Variants in PACS1 observed in about 807,000 individuals in gnomAD.
The protein encoded by PACS1 is phosphofurin acidic cluster sorting protein 1, also known as PACS-1.
PACS1 carries 24 observed loss-of-function variants against 115.0 expected under a neutral mutation model. The observed-to-expected ratio is 0.21, with a 90% confidence interval of 0.15 to 0.29. The LOEUF is 0.29. Among genes scored for constraint, PACS1 ranks in the 10% least tolerant of loss-of-function variants. The pLI, the probability that PACS1 is intolerant of heterozygous loss-of-function variation, is 1.00. For missense variants in PACS1, 838 were observed against 1,251.2 expected, an observed-to-expected ratio of 0.67 and a Z score of 4.98; for synonymous variants, 453 against 504.5, an observed-to-expected ratio of 0.90 and a Z score of 1.37.
At chr11:66,074,697 T>G (rs1857364074) in intron 1 of PACS1, among the ~76,000 whole-genome samples, 1 of 152,148 alleles carries the variant, frequency 6.6e-6, no homozygotes, top group African/African-American at 2.4e-5. Flanking sequence ...TCACATTTTT[T>G]TTAAGTGGGT....
intron 2 of PACS1, among the ~76,000 whole-genome samples, chr11:66,202,742 A>AAAAAAAAAAAAAAAAAAAAAT (rs1200930188): frequency 1.4e-5 from 1 of 71,650 alleles, no homozygotes; most frequent in African/African-American, 8.0e-5. Context: ...AAAAAAAAAA[A>AAAAAAAAAAAAAAAAAAAAAT]ATATATATAT....
At position 66,220,863 on chromosome 11, in the gene PACS1, C is replaced by T. The variant is rs1855328254; in HGVS notation, c.1199+72C>T. On this transcript the variant is annotated intron_variant, in intron 9 of 23. Coordinates refer to ENST00000320580, the MANE Select transcript of PACS1 (RefSeq NM_018026.4). ...CATAGCAGTCTCCTGACCCCTCCCT[C>T]GCTGTCCCCTCTATTACCAGAGAAT... 4.1e-6 allele frequency: 6 copies of T among 1,471,372 alleles called. No individual in the cohort carries two copies. In the Admixed American group the frequency reaches 5.8e-5, roughly 14 times the overall value. The allele number at this position is 1,471,372 out of a possible 1,614,324, so 91.1% of individuals were successfully genotyped here.
chr11:66,147,603 T>C (rs1414621539), intron 1 of PACS1, among the ~76,000 whole-genome samples: 1 of 152,226 alleles, frequency 6.6e-6, no homozygotes, highest in African/African-American at 2.4e-5. Context: ...TCTAATGTTG[T>C]AATTTTTCTA....
intron 1 of PACS1, among the ~76,000 whole-genome samples, chr11:66,091,558 A>C (rs1483855943): frequency 8.1e-5 from 12 of 147,922 alleles, no homozygotes; most frequent in Non-Finnish European, 3.0e-5. Context: ...TTTAGGGTAC[A>C]TGTGCACAAT....
chr11:66,076,844 G>A (rs550438425), intron 1 of PACS1, among the ~76,000 whole-genome samples: 7 of 152,236 alleles, frequency 4.6e-5, no homozygotes, highest in Non-Finnish European at 8.8e-5. Flanking sequence ...ATTTGCCAAC[G>A]TTGGTCTTCT....
In PACS1 at chr11:66,239,321, G is replaced by A. The variant is rs1429273936; in HGVS notation, c.2429+44G>A. On this transcript the variant is annotated intron_variant, in intron 21 of 23. Coordinates refer to ENST00000320580, the MANE Select transcript of PACS1 (RefSeq NM_018026.4). Reference sequence around the variant, plus strand: ...CCTGTCCTGCCATGCCCTCCATCAGGCCCACCCGGCTGATTCCAGTGACAG... The same window carrying A: ...CCTGTCCTGCCATGCCCTCCATCAGACCCACCCGGCTGATTCCAGTGACAG... 2.5e-6 allele frequency: 4 copies of A among 1,574,338 alleles called. No homozygotes were observed. In the South Asian group the frequency reaches 3.4e-5, roughly 13 times the overall value.
In PACS1 at chr11:66,235,558, G is replaced by A; in HGVS notation, c.2207+155G>A. The A allele has an allele frequency of 1.6e-6, 1 of 635,090 alleles. No individual in the cohort carries two copies. Among genetic ancestry groups the A allele is most frequent in the Non-Finnish European group, 2.8e-6 (1 of 358,218 alleles). 39.3% of individuals were successfully genotyped at this position (635,090 alleles called of 1,614,324 possible). ...AGTGGTTTTTACCACCACCTCCCCA[G>A]CACTCCTTCCTTGCCCAAGGCCTCC... is the stretch of plus-strand genomic sequence containing the variant. On this transcript the variant is annotated intron_variant, in intron 18 of 23. Coordinates refer to ENST00000320580, the MANE Select transcript of PACS1 (RefSeq NM_018026.4). The surrounding 1 kb of genome is among the most constrained non-coding windows in gnomAD (Gnocchi z 5.6).
chr11:66,242,883 G>A (rs368078025), intron 22 of PACS1, 29 bp from the exon 23 acceptor site: 26 of 1,613,472 alleles, frequency 1.6e-5, no homozygotes, highest in Non-Finnish European at 2.1e-5. Context: ...CCAGGGGCTG[G>A]GACACAGGTG....
chr11:66,080,875 ACT>A (rs1858211758), intron 1 of PACS1, among the ~76,000 whole-genome samples: 1 of 152,190 alleles, frequency 6.6e-6, no homozygotes, highest in African/African-American at 2.4e-5. Flanking sequence ...TATTTGAGTG[ACT>A]CTGGACAAGT....
At chr11:66,174,165 G>A (rs772551114) in intron 1 of PACS1, among the ~76,000 whole-genome samples, 2 of 151,978 alleles carry the variant, frequency 1.3e-5, no homozygotes, top group African/African-American at 2.4e-5. Context: ...AATTAGTCAC[G>A]AGGGAAATCC....
intron 1 of PACS1, among the ~76,000 whole-genome samples, chr11:66,128,217 G>C (rs1383327342): frequency 6.6e-6 from 1 of 152,002 alleles, no homozygotes; most frequent in African/African-American, 2.4e-5. Flanking sequence ...TTATTTGATG[G>C]TATTAATGGT....
intron 1 of PACS1, among the ~76,000 whole-genome samples, chr11:66,173,294 C>A (rs1252948314): frequency 6.6e-6 from 1 of 152,050 alleles, no homozygotes; most frequent in Non-Finnish European, 1.5e-5. Context: ...ATATACAATT[C>A]TGTATTCACA....
At chr11:66,175,748 G>A (rs1859843936) in intron 1 of PACS1, among the ~76,000 whole-genome samples, 1 of 152,188 alleles carries the variant, frequency 6.6e-6, no homozygotes, top group African/African-American at 2.4e-5. Flanking sequence ...CACAAACCAT[G>A]TTGGGGAGGG....
At chr11:66,230,715 A>T in intron 12 of PACS1, 52 bp downstream of exon 12, 1 of 1,611,696 alleles carries the variant, frequency 6.2e-7, no homozygotes, top group Non-Finnish European at 8.5e-7. Context: ...TGTGCTTAGC[A>T]TGGGCTTCAG....
intron 7 of PACS1, among the ~76,000 whole-genome samples, chr11:66,219,102 G>A (rs2134715239): frequency 6.6e-6 from 1 of 152,156 alleles, no homozygotes; most frequent in East Asian, 1.9e-4. Context: ...GGACCACTGT[G>A]GGCTGTGGAG....
chr11:66,137,029 C>G (rs1208851196), intron 1 of PACS1, among the ~76,000 whole-genome samples: 1 of 149,124 alleles, frequency 6.7e-6, no homozygotes, highest in Non-Finnish European at 1.5e-5. Flanking sequence ...ATTGCCCCCC[C>G]CCCCACCATT....
intron 1 of PACS1, among the ~76,000 whole-genome samples, chr11:66,073,376 A>G (rs1199024752): frequency 6.6e-6 from 1 of 152,230 alleles, no homozygotes; most frequent in African/African-American, 2.4e-5. Flanking sequence ...GGACACAAAT[A>G]TATGAGATAC....
intron 1 of PACS1, among the ~76,000 whole-genome samples, chr11:66,176,192 T>C (rs1859856582): frequency 6.6e-6 from 1 of 152,186 alleles, no homozygotes; most frequent in Admixed American, 6.5e-5. Flanking sequence ...CAGGTAGTTA[T>C]CATAGTACCC....
At chr11:66,120,377 G>A (rs1259417101) in intron 1 of PACS1, among the ~76,000 whole-genome samples, 1 of 152,084 alleles carries the variant, frequency 6.6e-6, no homozygotes, top group Non-Finnish European at 1.5e-5. Flanking sequence ...GGTTACAGGC[G>A]TGAGCCACTG....
Sources: gnomAD v4.1 joint callset for allele counts (sites outside exome capture counted in the v4.1 genomes callset) on GRCh38, gnomAD v4.1.1 for gene constraint, Gnocchi (gnomAD v3.1) non-coding constraint, MANE v1.5 for transcripts, NCBI Gene and HGNC (gene_info 2026-07-23, HGNC 2026-07-21) for gene names.